Variants in GALNTL6 observed in about 807,000 individuals in gnomAD.
The protein encoded by GALNTL6 is polypeptide N-acetylgalactosaminyltransferase-like 6.
A neutral mutation model predicts 73.7 loss-of-function variants in GALNTL6; 46 were observed. The ratio of observed to expected loss-of-function variants is 0.62; its 90% CI spans 0.49 to 0.80. The LOEUF is 0.80. Ranked by LOEUF, GALNTL6 falls within the 30% of genes least tolerant of loss-of-function variation. The pLI is 0.00. For missense variants in GALNTL6, 604 were observed against 755.0 expected (o/e 0.80, Z 2.34); for synonymous variants, 259 against 263.7 (o/e 0.98, Z 0.17).
At chr4:172,087,459 C>CAA (rs534725448) in intron 2 of GALNTL6, among the ~76,000 whole-genome samples, 4 of 134,180 alleles carry the variant, frequency 3.0e-5, no homozygotes, top group Non-Finnish European at 4.9e-5. Context: ...AAAAAAAAAA[C>CAA]AAAAAAAACA....
chr4:171,994,447 T>C (rs1046943696), intron 2 of GALNTL6, among the ~76,000 whole-genome samples: 12 of 152,012 alleles, frequency 7.9e-5, no homozygotes, highest in African/African-American at 2.4e-4. Context: ...CTAATGAACA[T>C]GGGTACTCTA....
At chr4:172,678,211 A>T (rs1732418648) in intron 5 of GALNTL6, among the ~76,000 whole-genome samples, 1 of 152,200 alleles carries the variant, frequency 6.6e-6, no homozygotes, top group Middle Eastern at 3.2e-3. Context: ...AGGGTAGTCC[A>T]CCCTCTAGGG....
At chr4:172,037,942 ACT>A (rs1461625833) in intron 2 of GALNTL6, among the ~76,000 whole-genome samples, 1 of 152,054 alleles carries the variant, frequency 6.6e-6, no homozygotes, top group Admixed American at 6.6e-5. Flanking sequence ...ACATGGTGAA[ACT>A]CTGTCTCTAC....
chr4:171,888,076 G>T (rs555671499), intron 2 of GALNTL6, among the ~76,000 whole-genome samples: 2 of 152,062 alleles, frequency 1.3e-5, no homozygotes, highest in South Asian at 4.2e-4. Flanking sequence ...AATCAAAGTT[G>T]TTTGACAAAG....
chr4:171,914,084 A>T (rs1737547083), intron 2 of GALNTL6, among the ~76,000 whole-genome samples: 1 of 152,186 alleles, frequency 6.6e-6, no homozygotes, highest in Non-Finnish European at 1.5e-5. Flanking sequence ...TGACAGAACA[A>T]AAGGAAATAA....
chr4:172,387,105 C>T (rs1298151219), intron 5 of GALNTL6, among the ~76,000 whole-genome samples: 1 of 152,070 alleles, frequency 6.6e-6, no homozygotes, highest in Non-Finnish European at 1.5e-5. Context: ...AGGGCCCCAC[C>T]CTCATAATTT....
intron 3 of GALNTL6, among the ~76,000 whole-genome samples, chr4:172,304,158 G>A (rs1158069322): frequency 6.6e-6 from 1 of 152,082 alleles, no homozygotes; most frequent in African/African-American, 2.4e-5. Flanking sequence ...CACAGAGTAG[G>A]TGCTTAATAT....
At chr4:172,324,876 G>A (rs536717733) in intron 4 of GALNTL6, among the ~76,000 whole-genome samples, 1 of 151,116 alleles carries the variant, frequency 6.6e-6, no homozygotes, top group African/African-American at 2.4e-5. Context: ...CAAATAGAAT[G>A]ATAATGAATA....
intron 3 of GALNTL6, among the ~76,000 whole-genome samples, chr4:172,294,476 G>C (rs1739592183): frequency 1.3e-5 from 2 of 152,242 alleles, no homozygotes; most frequent in East Asian, 3.9e-4. Context: ...TTTAGTTTGA[G>C]TTAATAAAAC....
At chr4:172,351,303 G>A (rs1741936543) in intron 5 of GALNTL6, among the ~76,000 whole-genome samples, 1 of 151,882 alleles carries the variant, frequency 6.6e-6, no homozygotes, top group Non-Finnish European at 1.5e-5. Flanking sequence ...AGTTATCATG[G>A]TAATTTATAT....
At chr4:172,132,214 C>A (rs1733516671) in intron 2 of GALNTL6, among the ~76,000 whole-genome samples, 1 of 152,012 alleles carries the variant, frequency 6.6e-6, no homozygotes, top group East Asian at 1.9e-4. Flanking sequence ...CTCTAACAGT[C>A]TGTGCAGTGC....
intron 5 of GALNTL6, among the ~76,000 whole-genome samples, chr4:172,550,967 G>T (rs991786990): frequency 6.6e-6 from 1 of 152,116 alleles, no homozygotes; most frequent in Admixed American, 6.5e-5. Flanking sequence ...ACATAGTCCC[G>T]CAGGAGATAC....
intron 2 of GALNTL6, among the ~76,000 whole-genome samples, chr4:172,018,528 C>G (rs1289417132): frequency 2.6e-5 from 4 of 152,040 alleles, no homozygotes; most frequent in Non-Finnish European, 4.4e-5. Context: ...AGCTCCCACA[C>G]AGTTGGCAAG....
intron 7 of GALNTL6, among the ~76,000 whole-genome samples, chr4:172,854,684 T>C (rs1225252387): frequency 6.6e-6 from 1 of 152,200 alleles, no homozygotes; most frequent in African/African-American, 2.4e-5. Context: ...AAGGCCAAAC[T>C]AAATTTCTCC....
intron 2 of GALNTL6, among the ~76,000 whole-genome samples, chr4:172,175,195 G>C (rs1157825712): frequency 4.6e-5 from 7 of 151,876 alleles, no homozygotes; most frequent in African/African-American, 7.3e-5. Flanking sequence ...TCCTGCCTCA[G>C]CCTCCCAAGT....
chr4:173,003,289 T>C (rs1405999518), intron 10 of GALNTL6, among the ~76,000 whole-genome samples: 1 of 152,096 alleles, frequency 6.6e-6, no homozygotes, highest in East Asian at 1.9e-4. Flanking sequence ...GGTGGGTATG[T>C]TTGGTGTGGC....
chr4:172,587,092 T>C lies in GALNTL6; in HGVS notation c.554-222269T>C, dbSNP rs142089741. Among the ~76,000 whole-genome samples the C allele has an allele frequency of 2.4e-4, 36 of 152,252 alleles. No individual in the cohort carries two copies. The East Asian group carries it at 6.6e-3, about 28-fold the overall frequency. On this transcript the variant is annotated intron_variant, in intron 5 of 12. Coordinates refer to ENST00000506823, the MANE Select transcript of GALNTL6 (RefSeq NM_001034845.3). ...AGGAAATGAATGTGAAGAATGCCTATGTGTGTGCACATGTGAAAATATTGG... is the reference window on the plus strand; with the variant it reads ...AGGAAATGAATGTGAAGAATGCCTACGTGTGTGCACATGTGAAAATATTGG...
At chr4:172,300,764 G>T (rs1417281881) in intron 3 of GALNTL6, among the ~76,000 whole-genome samples, 1 of 151,428 alleles carries the variant, frequency 6.6e-6, no homozygotes, top group Non-Finnish European at 1.5e-5. Context: ...GGCTTCCCTT[G>T]TGGTAACCCG....
intron 5 of GALNTL6, among the ~76,000 whole-genome samples, chr4:172,553,930 T>C (rs534103205): frequency 1.3e-5 from 2 of 152,238 alleles, no homozygotes; most frequent in East Asian, 3.9e-4. Flanking sequence ...TGCACCTGTA[T>C]GTAGCAGGAG....
Sources: allele counts gnomAD v4.1 joint callset (sites outside exome capture counted in the v4.1 genomes callset), GRCh38; gene constraint gnomAD v4.1.1; transcripts MANE v1.5; gene names NCBI Gene and HGNC (gene_info 2026-07-23, HGNC 2026-07-21).